The following SLC9B1 variants were observed in gnomAD, a reference collection of about 807,000 sequenced individuals.
SLC9B1 encodes the protein solute carrier family 9 member B1.
SLC9B1 carries 32 observed loss-of-function variants against 51.7 expected under a neutral mutation model. The ratio of observed to expected loss-of-function variants is 0.62; its 90% CI spans 0.47 to 0.83. SLC9B1 has a LOEUF of 0.83. Ranked by LOEUF, SLC9B1 falls within the 40% of genes least tolerant of loss-of-function variation. The probability of loss-of-function intolerance (pLI) is 0.00; values close to 1 mark genes in which losing one functional copy is unlikely to be tolerated. For missense variants in SLC9B1, 406 were observed against 613.2 expected, an observed-to-expected ratio of 0.66 and a Z score of 3.57; for synonymous variants, 145 against 212.7, an observed-to-expected ratio of 0.68 and a Z score of 2.77.
At chr4:102,964,445 T>C (rs1425465337) in intron 3 of SLC9B1, among the ~76,000 whole-genome samples, 1 of 152,200 alleles carries the variant, frequency 6.6e-6, no homozygotes, top group African/African-American at 2.4e-5. Context: ...CTTTATTTCA[T>C]TTGATATCAA....
At chr4:103,019,492 G>C (rs988246257) in intron 1 of SLC9B1, 107 bp downstream of exon 1, 1 of 723,466 alleles carries the variant, frequency 1.4e-6, no homozygotes, top group South Asian at 6.2e-5. Flanking sequence ...TTGAACTGAG[G>C]GGGAGGAAAG....
chr4:102,979,651 C>G (rs1739250794), intron 3 of SLC9B1, among the ~76,000 whole-genome samples: 1 of 152,174 alleles, frequency 6.6e-6, no homozygotes, highest in Non-Finnish European at 1.5e-5. Flanking sequence ...TTCATCCCCA[C>G]TTGGCTCCTT....
intron 7 of SLC9B1, among the ~76,000 whole-genome samples, chr4:102,923,950 A>G (rs1736019862): frequency 6.6e-6 from 1 of 152,262 alleles, no homozygotes; most frequent in African/African-American, 2.4e-5. Flanking sequence ...ATGGATAGGA[A>G]GAATCAATAT....
intron 7 of SLC9B1, 108 bp downstream of exon 7, chr4:102,932,016 T>A: frequency 2.0e-6 from 2 of 1,016,756 alleles, no homozygotes; most frequent in Non-Finnish European, 3.0e-6. Flanking sequence ...AGATGTTAAA[T>A]TGAACAGTCT....
At chr4:102,905,723 T>G in intron 10 of SLC9B1, 73 bp from the exon 11 acceptor site, 2 of 1,448,682 alleles carry the variant, frequency 1.4e-6, no homozygotes, top group Non-Finnish European at 1.9e-6. Context: ...AGGAATATGA[T>G]TTCTAAAACT....
At position 102,891,181 on chromosome 4, in the gene SLC9B1, A is replaced by G. The variant is rs1215010389; in HGVS notation, c.1333-5853T>C. The G allele has an allele frequency of 4.1e-5, 6 of 147,756 alleles. 1 individual carries two copies. The highest frequency in any genetic ancestry group is 1.6e-4 in the African/African-American group (6 of 37,452). 9.2% of individuals were successfully genotyped at this position (147,756 alleles called of 1,614,324 possible). On this transcript the variant is annotated intron_variant, in intron 11 of 11. Transcript: ENST00000394789. ...CAAGTTCAAATTAAGTGGTAATTGA[A>G]AAAGTCTTCTTTTTAAAAAATTTTT...
At chr4:102,904,930 G>A (rs1734952673) in intron 11 of SLC9B1, among the ~76,000 whole-genome samples, 1 of 151,592 alleles carries the variant, frequency 6.6e-6, no homozygotes, top group Non-Finnish European at 1.5e-5. Context: ...GTTGCAGTGA[G>A]CCGAGATCAT....
At chr4:102,948,838 G>A (rs1317160031) in intron 4 of SLC9B1, among the ~76,000 whole-genome samples, 6 of 152,084 alleles carry the variant, frequency 3.9e-5, no homozygotes, top group Non-Finnish European at 5.9e-5. Context: ...GGAGGGTTAA[G>A]GTTGAAAAAT....
At chr4:102,898,122 G>T, downstream of SLC9B1, 1 of 497,326 alleles carries the variant, frequency 2.0e-6, no homozygotes, top group South Asian at 1.5e-5. Context: ...TCATATGCTT[G>T]AATCTCCAGA....
intron 3 of SLC9B1, among the ~76,000 whole-genome samples, chr4:102,969,503 A>G (rs1738630486): frequency 6.6e-6 from 1 of 152,220 alleles, no homozygotes; most frequent in Admixed American, 6.5e-5. Context: ...CAAAGACCAA[A>G]GGTAGATAAA....
intron 9 of SLC9B1, among the ~76,000 whole-genome samples, chr4:102,910,105 G>A (rs190518881): frequency 3.9e-3 from 598 of 152,086 alleles, no homozygotes; most frequent in Non-Finnish European, 6.1e-3. Context: ...ATGAGCCACC[G>A]TCCCCGGCCT....
intron 11 of SLC9B1, among the ~76,000 whole-genome samples, chr4:102,902,400 T>C (rs2110422395): frequency 6.6e-6 from 1 of 152,294 alleles, no homozygotes; most frequent in South Asian, 2.1e-4. Context: ...ATCGTAACTT[T>C]TAATGTACTG....
At chr4:102,928,545 C>T (rs1172033725) in intron 7 of SLC9B1, among the ~76,000 whole-genome samples, 1 of 152,248 alleles carries the variant, frequency 6.6e-6, no homozygotes, top group Admixed American at 6.5e-5. Context: ...GCACATTACA[C>T]AGCTCCAAAG....
At chr4:103,019,509 C>T in intron 1 of SLC9B1, 90 bp downstream of exon 1, 1 of 905,982 alleles carries the variant, frequency 1.1e-6, no homozygotes, top group African/African-American at 1.8e-5. Context: ...AAAGGCCCTC[C>T]TGCGGCCTAC....
intron 1 of SLC9B1, among the ~76,000 whole-genome samples, chr4:103,010,958 T>C (rs2110541616): frequency 6.6e-6 from 1 of 152,294 alleles, no homozygotes; most frequent in South Asian, 2.1e-4. Context: ...ACTTGTTCCA[T>C]CCCAGTAGCT....
chr4:102,919,759 G>A (rs1037575729), intron 7 of SLC9B1, among the ~76,000 whole-genome samples: 3 of 152,206 alleles, frequency 2.0e-5, no homozygotes, highest in African/African-American at 4.8e-5. Context: ...ATTCTCTCCC[G>A]TGCCTGGCTC....
intron 3 of SLC9B1, among the ~76,000 whole-genome samples, chr4:102,954,581 T>A (rs551114531): frequency 6.6e-6 from 1 of 152,212 alleles, no homozygotes; most frequent in Admixed American, 6.6e-5. Context: ...GTCTTCAAAG[T>A]ACAGAGATAA....
intron 3 of SLC9B1, among the ~76,000 whole-genome samples, chr4:102,972,399 C>A (rs111847308): frequency 0.11 from 17,212 of 152,128 alleles, 1,053 homozygotes; most frequent in Admixed American, 0.15. Context: ...AGGTGTGCCA[C>A]CATGCCCAGC....
intron 3 of SLC9B1, among the ~76,000 whole-genome samples, chr4:102,957,331 A>G (rs9992771): frequency 0.11 from 16,897 of 152,242 alleles, 1,018 homozygotes; most frequent in Admixed American, 0.15. Context: ...AAGTTCAACA[A>G]ATCTCAAGTA....
Sources: gnomAD v4.1 joint callset for allele counts (sites outside exome capture counted in the v4.1 genomes callset) on GRCh38, gnomAD v4.1.1 for gene constraint, MANE v1.5 for transcripts, NCBI Gene and HGNC (gene_info 2026-07-23, HGNC 2026-07-21) for gene names.